The following LPP variants were observed in gnomAD, a reference collection of about 807,000 sequenced individuals.
LPP encodes the protein LIM domain containing preferred translocation partner in lipoma, also known as lipoma-preferred partner.
In LPP, 38 loss-of-function variants were observed where a neutral mutation model predicts 60.4. That is an observed-to-expected ratio of 0.63 (90% confidence interval 0.49 to 0.83). The LOEUF (loss-of-function observed/expected upper bound fraction) is 0.83. Ranked by LOEUF, LPP falls within the 40% of genes least tolerant of loss-of-function variation. LPP has a pLI of 0.00. For synonymous variants in LPP, 328 were observed against 290.8 expected, an observed-to-expected ratio of 1.13 and a Z score of -1.30; for missense variants, 902 against 783.6, an observed-to-expected ratio of 1.15 and a Z score of -1.80.
intron 5 of LPP, among the ~76,000 whole-genome samples, chr3:188,492,236 C>T (rs1808586046): frequency 6.6e-6 from 1 of 152,118 alleles, no homozygotes; most frequent in South Asian, 2.1e-4. Context: ...TTCCTTTGCT[C>T]AAAGTTAAGT....
At chr3:188,363,564 C>T (rs574658009) in intron 3 of LPP, among the ~76,000 whole-genome samples, 40 of 152,204 alleles carry the variant, frequency 2.6e-4, no homozygotes, top group South Asian at 2.3e-3. Context: ...GGGCTCTTTA[C>T]GTCTTTGGTC....
intron 9 of LPP, among the ~76,000 whole-genome samples, chr3:188,859,813 G>A (rs1363187295): frequency 2.0e-5 from 3 of 152,162 alleles, no homozygotes; most frequent in Non-Finnish European, 4.4e-5. Context: ...GTAGGGGGGT[G>A]TGTCATGACA....
At chr3:188,729,803 C>A (rs945321943) in intron 8 of LPP, among the ~76,000 whole-genome samples, 3 of 150,588 alleles carry the variant, frequency 2.0e-5, no homozygotes, top group African/African-American at 4.9e-5. Context: ...CATAGTAAGA[C>A]CCTGTCTGTA....
At chr3:188,573,500 G>A (rs533264178) in intron 6 of LPP, among the ~76,000 whole-genome samples, 6 of 152,014 alleles carry the variant, frequency 3.9e-5, no homozygotes, top group Non-Finnish European at 5.9e-5. Flanking sequence ...GACTTACGTC[G>A]TAGCTTAGCA....
chr3:188,452,464 G>T (rs1483494786), intron 4 of LPP, among the ~76,000 whole-genome samples: 1 of 152,120 alleles, frequency 6.6e-6, no homozygotes, highest in Non-Finnish European at 1.5e-5. Context: ...CAGCTAAGAT[G>T]CTTCACAATT....
Position 188,609,757 on chromosome 3 carries a change from T to C in LPP, c.1026T>C (p.Pro342=). 6.2e-7 allele frequency: 1 copy of C among 1,614,046 alleles called. No individual in the cohort carries two copies. The highest frequency in any genetic ancestry group is 1.3e-5 in the African/African-American group (1 of 75,020). ...YTPPGAGNQN[P]PGMYPVTGPK... Reference sequence around the variant, plus strand: ...CTCCTGGAGCAGGGAACCAGAACCCTCCTGGGATGTATCCAGTCACTGGTC... The same window carrying C: ...CTCCTGGAGCAGGGAACCAGAACCCCCCTGGGATGTATCCAGTCACTGGTC... The change falls in exon 7 of 12, where the codon CCT becomes CCC. Residue 342 remains proline, a synonymous_variant. Transcript: ENST00000617246. The surrounding 1 kb of genome is among the most constrained non-coding windows in gnomAD (Gnocchi z 6.9).
At chr3:188,189,580 C>G (rs766166730) in intron 1 of LPP, among the ~76,000 whole-genome samples, 2 of 152,122 alleles carry the variant, frequency 1.3e-5, no homozygotes, top group African/African-American at 4.8e-5. Context: ...ATCTGATGGC[C>G]TGGGCTTTGT....
intron 6 of LPP, among the ~76,000 whole-genome samples, chr3:188,608,354 G>T (rs943224810): frequency 2.0e-5 from 3 of 152,292 alleles, no homozygotes; most frequent in Non-Finnish European, 2.9e-5. Context: ...TTTAGTTAAT[G>T]ATGTCAGATA....
intron 2 of LPP, among the ~76,000 whole-genome samples, chr3:188,332,651 A>T (rs1265543659): frequency 2.0e-5 from 3 of 152,226 alleles, no homozygotes; most frequent in Admixed American, 2.0e-4. Flanking sequence ...ATCAACTAAA[A>T]GTGATAAAAC....
chr3:188,877,438 C>T lies in LPP; in HGVS notation c.*2959C>T, dbSNP rs1269922871. ...AGAGACATGGAAAAGGAAAAAAATC[C>T]ACTATATCATGGGCTCTGCAGAACA... is the stretch of plus-strand genomic sequence containing the variant. On this transcript the variant is annotated 3_prime_UTR_variant, in exon 12 of 12. Coordinates refer to ENST00000617246, the MANE Select transcript of LPP (RefSeq NM_001375462.1). 2 of 186,156 alleles carry T rather than the reference C, an allele frequency of 1.1e-5. No homozygotes were observed. Among genetic ancestry groups the T allele is most frequent in the Non-Finnish European group, 2.3e-5 (2 of 88,092 alleles). 11.5% of individuals were successfully genotyped at this position (186,156 alleles called of 1,614,324 possible). A position where few individuals can be genotyped will look rare whatever the true frequency, so the allele number is the denominator to read the frequency against.
At chr3:188,706,302 C>T (rs1383156759) in intron 7 of LPP, among the ~76,000 whole-genome samples, 1 of 152,196 alleles carries the variant, frequency 6.6e-6, no homozygotes, top group East Asian at 1.9e-4. Flanking sequence ...AATGGTTCTT[C>T]AGATCCTGGC....
At chr3:188,859,759 C>A (rs1422315488) in intron 9 of LPP, among the ~76,000 whole-genome samples, 1 of 152,152 alleles carries the variant, frequency 6.6e-6, no homozygotes, top group Non-Finnish European at 1.5e-5. Context: ...GAAATTATTT[C>A]ACTGAATTTT....
intron 7 of LPP, among the ~76,000 whole-genome samples, chr3:188,640,385 G>A (rs191473392): frequency 0.011 from 1,307 of 115,492 alleles, 26 homozygotes; most frequent in African/African-American, 0.04. Context: ...GGGGGAGGGG[G>A]GAGGGATAGC....
chr3:188,329,947 T>C (rs1397166147), intron 2 of LPP, among the ~76,000 whole-genome samples: 1 of 152,220 alleles, frequency 6.6e-6, no homozygotes, highest in Non-Finnish European at 1.5e-5. Context: ...TCATCCTTTA[T>C]ATCACTATAA....
chr3:188,240,649 A>C (rs568924648), intron 2 of LPP, among the ~76,000 whole-genome samples: 1 of 152,194 alleles, frequency 6.6e-6, no homozygotes, highest in Admixed American at 6.5e-5. Context: ...AAAAAGCGTA[A>C]TCATAACTAT....
intron 6 of LPP, among the ~76,000 whole-genome samples, chr3:188,569,338 C>A (rs1326180390): frequency 6.6e-6 from 1 of 151,790 alleles, no homozygotes; most frequent in Non-Finnish European, 1.5e-5. Context: ...AAATGAGAAG[C>A]ATGCTTTAGA....
intron 2 of LPP, among the ~76,000 whole-genome samples, chr3:188,286,118 G>A (rs1743831974): frequency 1.3e-5 from 2 of 152,116 alleles, no homozygotes; most frequent in Non-Finnish European, 1.5e-5. Flanking sequence ...ATCTGTGCCC[G>A]TCCTTGTCAC....
chr3:188,688,345 GT>G (rs1264314926), intron 7 of LPP, among the ~76,000 whole-genome samples: 1 of 152,222 alleles, frequency 6.6e-6, no homozygotes, highest in African/African-American at 2.4e-5. Context: ...CCTGTCTTCT[GT>G]GAAACCTTCC....
chr3:188,381,632 T>G (rs1474275), intron 3 of LPP, among the ~76,000 whole-genome samples: 71,068 of 152,030 alleles, frequency 0.47, 17,553 homozygotes, highest in East Asian at 0.71. Flanking sequence ...TTCATTGAAA[T>G]ATGAAATAGT....
Sources: allele counts gnomAD v4.1 joint callset (sites outside exome capture counted in the v4.1 genomes callset), GRCh38; gene constraint gnomAD v4.1.1; non-coding constraint Gnocchi (gnomAD v3.1); transcripts MANE v1.5; gene names NCBI Gene and HGNC (gene_info 2026-07-23, HGNC 2026-07-21).